PTPN11: variants seen among roughly 807,000 people sequenced by gnomAD.
PTPN11 encodes the protein protein tyrosine phosphatase non-receptor type 11.
In PTPN11, 6 loss-of-function variants were observed where a neutral mutation model predicts 78.8. That is an observed-to-expected ratio of 0.08 (90% CI 0.04 to 0.15). The LOEUF (loss-of-function observed/expected upper bound fraction) is 0.15, where lower values mean the gene tolerates loss of function less well. PTPN11 is among the 10% of genes least tolerant of loss of function. The pLI is 1.00. For missense variants in PTPN11, 386 were observed against 744.8 expected (o/e 0.52, Z 5.61); for synonymous variants, 221 against 263.5 (o/e 0.84, Z 1.56).
In PTPN11 at chr12:112,489,180, C is replaced by T. The variant is rs1263466088; in HGVS notation, c.1599+5C>T. 3 of 1,614,138 alleles carry T rather than the reference C, an allele frequency of 1.9e-6. No individual in the cohort carries two copies. Among genetic ancestry groups the T allele is most frequent in the Admixed American group, 1.7e-5 (1 of 60,024 alleles). On this transcript the variant is annotated splice_donor_5th_base_variant and intron_variant, in intron 13 of 15. Coordinates refer to ENST00000351677, the MANE Select transcript of PTPN11 (RefSeq NM_002834.5). ...CGCAGGATTGAAGAAGAGCAGGTAC[C>T]AGCCTGAGGGCTGGCATGCGGATTC... is the stretch of plus-strand genomic sequence containing the variant.
chr12:112,497,502 C>T (rs1592859828), intron 13 of PTPN11, among the ~76,000 whole-genome samples: 1 of 152,210 alleles, frequency 6.6e-6, no homozygotes, highest in Non-Finnish European at 1.5e-5. Context: ...GGCCGTGCCC[C>T]TATGTGCCCT....
intron 1 of PTPN11, among the ~76,000 whole-genome samples, chr12:112,432,819 A>G (rs1185408803): frequency 1.3e-5 from 2 of 152,154 alleles, no homozygotes; most frequent in Non-Finnish European, 2.9e-5. Flanking sequence ...ATCTCAAAAA[A>G]AAAAGATTAT....
intron 4 of PTPN11, 142 bp from the exon 5 acceptor site, chr12:112,454,421 AT>A (rs1489078008): frequency 2.3e-5 from 17 of 734,644 alleles, no homozygotes; most frequent in South Asian, 6.0e-5. Flanking sequence ...CACCCAGCCT[AT>A]TATCTGTCTT....
At chr12:112,487,114 G>GTT (rs869303771) in intron 11 of PTPN11, among the ~76,000 whole-genome samples, 1 of 148,606 alleles carries the variant, frequency 6.7e-6, no homozygotes, top group African/African-American at 2.5e-5. Context: ...TTGTGATTCT[G>GTT]TTCTCTCTCT....
chr12:112,478,970 G>GTGA (rs1348857453), intron 9 of PTPN11, among the ~76,000 whole-genome samples: 5 of 152,112 alleles, frequency 3.3e-5, no homozygotes, highest in Non-Finnish European at 2.9e-5. Context: ...CTGAGCTTAG[G>GTGA]TGATCCACCT....
rs1159435236 is a variant in PTPN11 at position 112,507,776 on chromosome 12, G to A, written c.*1984G>A. ...GTCTCTCAGTCCCTTGAGACTTTGG[G>A]GTAGTTTGGCTGCCATTCTCACTGA... On this transcript the variant is annotated 3_prime_UTR_variant, in exon 16 of 16. Coordinates refer to ENST00000351677, the MANE Select transcript of PTPN11 (RefSeq NM_002834.5). 1 of 152,564 alleles carries A rather than the reference G, an allele frequency of 6.6e-6. No homozygotes were observed. The highest frequency in any genetic ancestry group is 1.5e-5 in the Non-Finnish European group (1 of 68,114). 9.5% of individuals were successfully genotyped at this position (152,564 alleles called of 1,614,324 possible). A position where few individuals can be genotyped will look rare whatever the true frequency, so the allele number is the denominator to read the frequency against.
At chr12:112,462,741 A>G (rs2038267176) in intron 6 of PTPN11, among the ~76,000 whole-genome samples, 2 of 152,170 alleles carry the variant, frequency 1.3e-5, no homozygotes, top group African/African-American at 4.8e-5. Context: ...GGATATCCAT[A>G]ATAGTGTCTA....
chr12:112,433,594 CT>C (rs2037745466), intron 1 of PTPN11, among the ~76,000 whole-genome samples: 1 of 152,112 alleles, frequency 6.6e-6, no homozygotes, highest in Non-Finnish European at 1.5e-5. Flanking sequence ...CATAAATGTC[CT>C]ATAAGAAGGG....
rs976882577 is a variant in PTPN11 at position 112,482,839 on chromosome 12, A to G, written c.1224+634A>G. ...TGTAGAGGTTTGAGTCTGAGCGGAC[A>G]GTGGTGCTGTGGCAGACACCACAAA... On this transcript the variant is annotated intron_variant, in intron 10 of 15. Coordinates refer to ENST00000351677, the MANE Select transcript of PTPN11 (RefSeq NM_002834.5). This position sits in a 1 kb window ranked among gnomAD's most constrained non-coding sequence, Gnocchi z 4.4. Among the ~76,000 whole-genome samples the G allele has an allele frequency of 1.3e-5, 2 of 152,190 alleles. No homozygotes were observed. The highest frequency in any genetic ancestry group is 4.8e-5 in the African/African-American group (2 of 41,444).
chr12:112,448,355 G>A (rs1259821609), intron 2 of PTPN11, among the ~76,000 whole-genome samples: 2 of 151,168 alleles, frequency 1.3e-5, no homozygotes, highest in African/African-American at 2.4e-5. Context: ...GGATTACAGC[G>A]CCTGGTGTAC....
intron 14 of PTPN11, among the ~76,000 whole-genome samples, chr12:112,502,978 T>A (rs958376392): frequency 5.3e-5 from 8 of 152,346 alleles, no homozygotes; most frequent in African/African-American, 1.2e-4. Context: ...CCCAGCCATG[T>A]TCTGCTCATT....
At chr12:112,494,115 G>A (rs957311141) in intron 13 of PTPN11, among the ~76,000 whole-genome samples, 9 of 152,170 alleles carry the variant, frequency 5.9e-5, no homozygotes, top group Admixed American at 5.9e-4. Flanking sequence ...TTAGCTGGAT[G>A]TGGTGGCGCA....
intron 8 of PTPN11, 32 bp from the exon 9 acceptor site, chr12:112,477,825 G>A (rs376453465): frequency 1.7e-5 from 28 of 1,612,964 alleles, no homozygotes; most frequent in Non-Finnish European, 2.2e-5. Flanking sequence ...TAACTTTAAG[G>A]TGTTTGAAGG....
intron 9 of PTPN11, among the ~76,000 whole-genome samples, chr12:112,479,436 A>G (rs751687642): frequency 1.1e-4 from 16 of 152,182 alleles, no homozygotes; most frequent in Non-Finnish European, 1.8e-4. Flanking sequence ...TAATTTTCAT[A>G]TTGGATGTGA....
chr12:112,445,935 C>A (rs1048715937), intron 1 of PTPN11, among the ~76,000 whole-genome samples: 3 of 152,088 alleles, frequency 2.0e-5, no homozygotes, highest in Non-Finnish European at 4.4e-5. Context: ...CCACCGTGCC[C>A]TGCCTCTAGT....
At chr12:112,495,528 C>G (rs187190127) in intron 13 of PTPN11, among the ~76,000 whole-genome samples, 5 of 152,258 alleles carry the variant, frequency 3.3e-5, no homozygotes, top group Non-Finnish European at 5.9e-5. Context: ...TAAATGTTAT[C>G]AACATGGCCT....
chr12:112,483,809 G>A (rs2038633681), intron 10 of PTPN11, among the ~76,000 whole-genome samples: 1 of 152,140 alleles, frequency 6.6e-6, no homozygotes, highest in Non-Finnish European at 1.5e-5. Flanking sequence ...TGTACCAAGG[G>A]CGAGGGTGGT....
chr12:112,446,740 ATT>A (rs779244466), intron 2 of PTPN11, among the ~76,000 whole-genome samples: 3 of 142,974 alleles, frequency 2.1e-5, no homozygotes, highest in Non-Finnish European at 3.1e-5. Flanking sequence ...TTTCTTTTCA[ATT>A]TTTTTTTTTT....
Position 112,504,932 on chromosome 12 carries a change from C to T in PTPN11, c.*32+136C>T. On this transcript the variant is annotated intron_variant, in intron 15 of 15. Coordinates refer to ENST00000351677, the MANE Select transcript of PTPN11 (RefSeq NM_002834.5). This position sits in a 1 kb window ranked among gnomAD's most constrained non-coding sequence, Gnocchi z 4.7. Reference sequence around the variant, plus strand: ...ACAAACCAGGCTCCTTTTTCCTCTCCCTGTACTTCTTTTTCCAAGATGGTT... The same window carrying T: ...ACAAACCAGGCTCCTTTTTCCTCTCTCTGTACTTCTTTTTCCAAGATGGTT... 1 of 627,300 alleles carries T rather than the reference C, an allele frequency of 1.6e-6. No homozygotes were observed. The highest frequency in any genetic ancestry group is 2.0e-5 in the South Asian group (1 of 50,858). The allele number at this position is 627,300 out of a possible 1,614,324, so 38.9% of individuals were successfully genotyped here.
Sources: gnomAD v4.1 joint callset for allele counts (sites outside exome capture counted in the v4.1 genomes callset) on GRCh38, gnomAD v4.1.1 for gene constraint, Gnocchi (gnomAD v3.1) non-coding constraint, MANE v1.5 for transcripts, NCBI Gene and HGNC (gene_info 2026-07-23, HGNC 2026-07-21) for gene names.